Variants in GABPB2 observed in about 807,000 individuals in gnomAD.
The protein encoded by GABPB2 is GA binding protein transcription factor subunit beta 2.
A neutral mutation model predicts 39.1 loss-of-function variants in GABPB2; 23 were observed. The observed-to-expected ratio is 0.59, with a 90% CI of 0.42 to 0.83. GABPB2 has a LOEUF of 0.83. GABPB2 is among the 40% of genes least tolerant of loss of function. GABPB2 has a pLI of 0.00. For synonymous variants in GABPB2, 184 were observed against 199.3 expected (o/e 0.92, Z 0.65); for missense variants, 467 against 541.1 (o/e 0.86, Z 1.36).
At chr1:151,098,821 C>T (rs1030826656) in intron 5 of GABPB2, among the ~76,000 whole-genome samples, 18 of 152,198 alleles carry the variant, frequency 1.2e-4, no homozygotes, top group East Asian at 1.2e-3. Context: ...CGGTGCCTCA[C>T]GCCTGTAGTC....
chr1:151,114,813 C>T (rs967095103), intron 7 of GABPB2, among the ~76,000 whole-genome samples: 1 of 152,054 alleles, frequency 6.6e-6, no homozygotes, highest in Non-Finnish European at 1.5e-5. Context: ...AGTTTGAGAC[C>T]AGCCTGCCCA....
At chr1:151,110,095 C>T (rs1042755696) in intron 7 of GABPB2, among the ~76,000 whole-genome samples, 1 of 126,548 alleles carries the variant, frequency 7.9e-6, no homozygotes, top group African/African-American at 2.9e-5. Flanking sequence ...CTCCTGAACT[C>T]AAGTGATCTG....
At chr1:151,114,092 T>A (rs1239735313) in intron 7 of GABPB2, among the ~76,000 whole-genome samples, 1 of 150,820 alleles carries the variant, frequency 6.6e-6, no homozygotes, top group African/African-American at 2.4e-5. Context: ...ATGCCTATAA[T>A]CCCAGCACTT....
At chr1:151,094,713 T>A (rs1412307694) in intron 4 of GABPB2, among the ~76,000 whole-genome samples, 1 of 147,508 alleles carries the variant, frequency 6.8e-6, no homozygotes, top group Non-Finnish European at 1.5e-5. Context: ...ATATAAAAAT[T>A]AACAGGACAT....
chr1:151,112,894 C>G (rs1398299827), intron 7 of GABPB2, among the ~76,000 whole-genome samples: 2 of 151,804 alleles, frequency 1.3e-5, no homozygotes, highest in Non-Finnish European at 2.9e-5. Context: ...CCTCAGCCTC[C>G]TGAGTAGCTG....
At chr1:151,106,909 G>A in intron 6 of GABPB2, 128 bp from the exon 7 acceptor site, 1 of 586,060 alleles carries the variant, frequency 1.7e-6, no homozygotes, top group Non-Finnish European at 2.9e-6. Context: ...TTTGCGAACT[G>A]TTGAATCTCA....
intron 1 of GABPB2, among the ~76,000 whole-genome samples, chr1:151,084,459 C>T (rs184872010): frequency 6.8e-4 from 102 of 149,822 alleles, no homozygotes; most frequent in Non-Finnish European, 3.8e-4. Flanking sequence ...CTCCTGACGT[C>T]AGATGATCAG....
chr1:151,099,858 G>A (rs1445288739), intron 5 of GABPB2, among the ~76,000 whole-genome samples: 4 of 152,150 alleles, frequency 2.6e-5, no homozygotes, highest in Admixed American at 6.6e-5. Flanking sequence ...TACTTTATGA[G>A]GTTGTTGTGA....
At chr1:151,080,998 G>A (rs1336500517) in intron 1 of GABPB2, among the ~76,000 whole-genome samples, 5 of 150,008 alleles carry the variant, frequency 3.3e-5, no homozygotes, top group African/African-American at 7.3e-5. Flanking sequence ...TCAGCCTCCC[G>A]AGTAGCTGGG....
At chr1:151,083,993 C>G (rs1423524427) in intron 1 of GABPB2, among the ~76,000 whole-genome samples, 2 of 150,960 alleles carry the variant, frequency 1.3e-5, no homozygotes, top group Non-Finnish European at 2.9e-5. Flanking sequence ...GCCCCCTCAG[C>G]CTCCCAAAGT....
rs1304373213 is a variant in GABPB2 at position 151,123,809 on chromosome 1, C to T, written c.*5553C>T. 6.6e-6 allele frequency: 1 copy of T among 150,818 alleles called. No homozygotes were observed. Among genetic ancestry groups the T allele is most frequent in the Non-Finnish European group, 1.5e-5 (1 of 67,878 alleles). The allele number at this position is 150,818 out of a possible 1,614,324, so 9.3% of individuals were successfully genotyped here. A position where few individuals can be genotyped will look rare whatever the true frequency, so the allele number is the denominator to read the frequency against. On this transcript the variant is annotated 3_prime_UTR_variant, in exon 9 of 9. Coordinates refer to ENST00000368918, the MANE Select transcript of GABPB2 (RefSeq NM_144618.3). ...AGAGCTTGCAGTGAGCTGAGATCGC[C>T]CCACTGCAACAGATCGCCTGGGCAA...
At chr1:151,107,655 G>C (rs1348136236) in intron 7 of GABPB2, among the ~76,000 whole-genome samples, 3 of 152,132 alleles carry the variant, frequency 2.0e-5, no homozygotes, top group Non-Finnish European at 2.9e-5. Context: ...TATGAAAATA[G>C]CTGGGTGAGG....
At position 151,124,772 on chromosome 1, in the gene GABPB2, C is replaced by T. The variant is rs901140230; in HGVS notation, c.*6516C>T. On this transcript the variant is annotated 3_prime_UTR_variant, in exon 9 of 9. Coordinates refer to ENST00000368918, the MANE Select transcript of GABPB2 (RefSeq NM_144618.3). Reference sequence around the variant, plus strand: ...GGTGACTATATCTCAGAAGTACTACCCCTTCTGAGTAGTACTATTATTTCC... The same window carrying T: ...GGTGACTATATCTCAGAAGTACTACTCCTTCTGAGTAGTACTATTATTTCC... The T allele has an allele frequency of 5.9e-5, 9 of 152,030 alleles. No homozygotes were observed. Among genetic ancestry groups the T allele is most frequent in the African/African-American group, 2.2e-4 (9 of 41,366 alleles). 9.4% of individuals were successfully genotyped at this position (152,030 alleles called of 1,614,324 possible). A position where few individuals can be genotyped will look rare whatever the true frequency, so the allele number is the denominator to read the frequency against.
At chr1:151,116,401 CA>C (rs11430501) in intron 7 of GABPB2, among the ~76,000 whole-genome samples, 53 of 124,264 alleles carry the variant, frequency 4.3e-4, no homozygotes, top group African/African-American at 6.4e-4. Flanking sequence ...AATTCCATCT[CA>C]AAAAAAAAAA....
chr1:151,093,948 C>G (rs1045804644), intron 4 of GABPB2, among the ~76,000 whole-genome samples: 6 of 151,458 alleles, frequency 4.0e-5, no homozygotes, highest in African/African-American at 1.5e-4. Context: ...GTAAGTTGAA[C>G]CCTTGTAAAT....
chr1:151,099,390 G>T (rs1679347875), intron 5 of GABPB2, among the ~76,000 whole-genome samples: 1 of 151,948 alleles, frequency 6.6e-6, no homozygotes, highest in Non-Finnish European at 1.5e-5. Context: ...TAGAGATGGG[G>T]TTTCACCGTG....
chr1:151,117,796 T>C (rs1680993762), intron 8 of GABPB2, among the ~76,000 whole-genome samples, 161 bp from the exon 9 acceptor site: 1 of 152,146 alleles, frequency 6.6e-6, no homozygotes, highest in Non-Finnish European at 1.5e-5. Flanking sequence ...GTTGGCCAAG[T>C]TGGTCTCGAA....
rs587675064 is a variant in GABPB2, at chr1:151,123,528, A to G, written c.*5272A>G. ...CAGAATTGGTGCTTGAGCAAGAGAA[A>G]CTTCGAGCTTAGGATGGTTGTCTAC... On this transcript the variant is annotated 3_prime_UTR_variant, in exon 9 of 9. Transcript: ENST00000368918. 1 of 151,478 alleles carries G rather than the reference A, an allele frequency of 6.6e-6. No individual in the cohort carries two copies. Among genetic ancestry groups the G allele is most frequent in the South Asian group, 2.1e-4 (1 of 4,792 alleles). 9.4% of individuals were successfully genotyped at this position (151,478 alleles called of 1,614,324 possible). A position where few individuals can be genotyped will look rare whatever the true frequency, so the allele number is the denominator to read the frequency against.
At chr1:151,072,273 G>T (rs1306534727) in intron 1 of GABPB2, among the ~76,000 whole-genome samples, 5 of 152,348 alleles carry the variant, frequency 3.3e-5, no homozygotes, top group African/African-American at 9.6e-5. Flanking sequence ...TTGGCCGGGC[G>T]CAGTGGCTCA....
Sources: allele counts gnomAD v4.1 joint callset (sites outside exome capture counted in the v4.1 genomes callset), GRCh38; gene constraint gnomAD v4.1.1; transcripts MANE v1.5; gene names NCBI Gene and HGNC (gene_info 2026-07-23, HGNC 2026-07-21).